DOCK8: variants seen among roughly 807,000 people sequenced by gnomAD.
DOCK8 encodes the protein dedicator of cytokinesis 8.
DOCK8 carries 141 observed loss-of-function variants against 245.6 expected under a neutral mutation model. That is an observed-to-expected ratio of 0.57 (90% CI 0.50 to 0.66). The LOEUF is 0.66. Ranked by LOEUF, DOCK8 falls within the 30% of genes least tolerant of loss-of-function variation. The pLI is 0.00. For synonymous variants in DOCK8, 1,168 were observed against 970.2 expected (o/e 1.20, Z -3.79); for missense variants, 2,965 against 2,603.4 (o/e 1.14, Z -3.02).
intron 44 of DOCK8, among the ~76,000 whole-genome samples, chr9:447,325 G>T (rs959993470): frequency 6.6e-6 from 1 of 152,078 alleles, no homozygotes. Flanking sequence ...TCCTTTTTAT[G>T]CAGGGCCACA....
At chr9:256,620 A>G (rs536195991) in intron 1 of DOCK8, among the ~76,000 whole-genome samples, 1 of 152,150 alleles carries the variant, frequency 6.6e-6, no homozygotes, top group Admixed American at 6.5e-5. Context: ...TTTCCTTGTG[A>G]AGAATTTTTC....
Position 312,117 on chromosome 9 carries a change from G to A in DOCK8, c.692G>A (p.Arg231Lys). Residue 231 changes from arginine (R) to lysine (K), a missense_variant, in exon 6 of 48, where the codon AGG (arginine) becomes AAG (lysine). Arg to Lys is a conservative substitution (Grantham distance 26). Around this residue, in one of 3 missense-constraint regions of DOCK8, gnomAD observed 2,825 missense variants for 2,453.5 expected, o/e 1.15. Coordinates refer to ENST00000432829, the MANE Select transcript of DOCK8 (RefSeq NM_203447.4). The stretch of plus-strand genomic sequence containing the variant: ...GAGAAGCAGAACGAGGAGGCCCGGA[G>A]GACCAATAGGCAGGCCGAGCTCTTT... ...DFEKQNEEAR[R>K]TNRQAELFAL... The A allele has an allele frequency of 6.2e-7, 1 of 1,614,220 alleles. No individual in the cohort carries two copies. The highest frequency in any genetic ancestry group is 1.3e-5 in the African/African-American group (1 of 75,060).
intron 26 of DOCK8, among the ~76,000 whole-genome samples, chr9:399,682 A>C (rs187855969): frequency 1.5e-4 from 23 of 152,186 alleles, no homozygotes; most frequent in Non-Finnish European, 2.8e-4. Context: ...GAACCTTTTT[A>C]AAGTGTTCTT....
chr9:273,203 C>T (rs1028849624), intron 2 of DOCK8: 5 of 833,308 alleles, frequency 6.0e-6, no homozygotes, highest in African/African-American at 5.6e-5. Context: ...TCTTTTACTG[C>T]AGGAGGTAAC....
chr9:295,396 A>G (rs767390536), intron 4 of DOCK8, among the ~76,000 whole-genome samples: 1 of 152,144 alleles, frequency 6.6e-6, no homozygotes, highest in African/African-American at 2.4e-5. Context: ...GAAGAAATCA[A>G]TTCCAGTTAT....
At chr9:376,949 C>T in intron 19 of DOCK8, 28 bp from the exon 20 acceptor site, 2 of 1,598,690 alleles carry the variant, frequency 1.3e-6, no homozygotes, top group African/African-American at 1.3e-5. Context: ...GTATAAAACC[C>T]CATGAGGCCT....
intron 14 of DOCK8, among the ~76,000 whole-genome samples, chr9:344,662 A>G (rs1182954136): frequency 6.6e-6 from 1 of 152,152 alleles, no homozygotes; most frequent in African/African-American, 2.4e-5. Flanking sequence ...ACTGGCCCCC[A>G]AAATAAAAGT....
At chr9:324,319 C>T (rs947986853) in intron 7 of DOCK8, among the ~76,000 whole-genome samples, 2 of 152,174 alleles carry the variant, frequency 1.3e-5, no homozygotes, top group African/African-American at 4.8e-5. Flanking sequence ...CATCCTCTCA[C>T]ACATACCTGG....
intron 1 of DOCK8, among the ~76,000 whole-genome samples, chr9:250,447 C>T (rs983194842): frequency 1.3e-5 from 2 of 152,184 alleles, no homozygotes; most frequent in African/African-American, 4.8e-5. Context: ...AACCTATCTA[C>T]TCTACATAAA....
intron 34 of DOCK8, 134 bp from the exon 35 acceptor site, chr9:428,228 C>G (rs1003622978): frequency 4.4e-6 from 6 of 1,355,524 alleles, no homozygotes; most frequent in South Asian, 1.2e-5. Context: ...TGGATGATAC[C>G]CATGGTGGCT....
At chr9:420,244 G>A (rs2056218181) in intron 30 of DOCK8, 157 bp from the exon 31 acceptor site, 8 of 816,348 alleles carry the variant, frequency 9.8e-6, no homozygotes, top group Middle Eastern at 3.4e-4. Context: ...GGGAAGGCAG[G>A]GCTACTGGCA....
intron 46 of DOCK8, among the ~76,000 whole-genome samples, chr9:455,047 G>C (rs2057590896): frequency 6.6e-6 from 1 of 152,208 alleles, no homozygotes; most frequent in Non-Finnish European, 1.5e-5. Context: ...CCATTTTAAA[G>C]TTGTTCTCCT....
chr9:307,391 C>CTTTTTTTTTTT (rs2049894842), intron 5 of DOCK8, among the ~76,000 whole-genome samples: 1 of 94,368 alleles, frequency 1.1e-5, no homozygotes, highest in African/African-American at 4.7e-5. Context: ...TGGAGTTTTG[C>CTTTTTTTTTTT]TCTTATTGCC....
chr9:226,286 G>A (rs1243984254), intron 1 of DOCK8, among the ~76,000 whole-genome samples: 1 of 152,154 alleles, frequency 6.6e-6, no homozygotes, highest in African/African-American at 2.4e-5. Flanking sequence ...CATGAGAATA[G>A]CATGAGGAAA....
Position 423,532 on chromosome 9 carries a change from C to T in DOCK8, c.4241+1397C>T, listed in dbSNP as rs1030524742. 7.9e-5 allele frequency among the ~76,000 whole-genome samples: 12 copies of T among 152,264 alleles called. No individual in the cohort carries two copies. The East Asian group carries it at 1.7e-3, about 22-fold the overall frequency. On this transcript the variant is annotated intron_variant, in intron 33 of 47. Coordinates refer to ENST00000432829, the MANE Select transcript of DOCK8 (RefSeq NM_203447.4). ...TTTGTAAATAAATGTGAGTTAATAT[C>T]TTTATTGTTACCACAAGAATGAATC... is the stretch of plus-strand genomic sequence containing the variant.
intron 1 of DOCK8, among the ~76,000 whole-genome samples, chr9:247,546 T>C (rs892593201): frequency 6.6e-6 from 1 of 152,118 alleles, no homozygotes; most frequent in Non-Finnish European, 1.5e-5. Context: ...TTTTGTTTGT[T>C]TGTTTGAGAG....
chr9:319,568 T>C (rs2050495993), intron 7 of DOCK8, among the ~76,000 whole-genome samples: 1 of 152,138 alleles, frequency 6.6e-6, no homozygotes, highest in African/African-American at 2.4e-5. Flanking sequence ...ACAGTATGAA[T>C]AGTAAAAATA....
intron 7 of DOCK8, among the ~76,000 whole-genome samples, chr9:323,108 A>C (rs1285192630): frequency 1.3e-5 from 2 of 151,186 alleles, no homozygotes; most frequent in Admixed American, 1.3e-4. Flanking sequence ...AAAAAAAAAA[A>C]GAAAGCCCCC....
rs1460557362 is a variant in DOCK8, at chr9:307,353, T to G, written c.528+2649T>G. On this transcript the variant is annotated intron_variant, in intron 5 of 47. Transcript: ENST00000432829. ...GGTTTTTTTTGTTTTTTTTTTTTTT[T>G]TTTTTTTTTTTTTTTTTTTTTTTGA... Among the ~76,000 whole-genome samples, 524 of 85,494 alleles carry G rather than the reference T, an allele frequency of 6.1e-3. 3 individuals are homozygous for G. Among genetic ancestry groups the G allele is most frequent in the African/African-American group, 0.021 (494 of 23,154 alleles). 56.1% of individuals were successfully genotyped at this position (85,494 alleles called of 152,430 possible). A position where few individuals can be genotyped will look rare whatever the true frequency, so the allele number is the denominator to read the frequency against.
Sources: gnomAD v4.1 joint callset for allele counts (sites outside exome capture counted in the v4.1 genomes callset) on GRCh38, gnomAD v4.1.1 for gene constraint, gnomAD v4.1.1 regional missense constraint, MANE v1.5 for transcripts, NCBI Gene and HGNC (gene_info 2026-07-23, HGNC 2026-07-21) for gene names.